Variants in AK9 observed in about 807,000 individuals in gnomAD.
AK9 encodes adenylate kinase 9.
Under a neutral mutation model 239.6 loss-of-function variants are expected in AK9, and 191 were observed. That is an observed-to-expected ratio of 0.80 (90% CI 0.71 to 0.90). AK9 has a LOEUF of 0.90. Ranked by LOEUF, AK9 falls within the 40% of genes least tolerant of loss-of-function variation. The pLI is 0.00. For missense variants in AK9, 1,995 were observed against 2,214.7 expected, an observed-to-expected ratio of 0.90 and a Z score of 1.99; for synonymous variants, 689 against 721.0, an observed-to-expected ratio of 0.96 and a Z score of 0.71.
chr6:109,679,134 G>A (rs1369248683), intron 1 of AK9, among the ~76,000 whole-genome samples: 1 of 152,122 alleles, frequency 6.6e-6, no homozygotes, highest in Non-Finnish European at 1.5e-5. Flanking sequence ...AAAGGGGGCT[G>A]AAGCCAGGGA....
At chr6:109,592,800 T>TC (rs1009570536) in intron 17 of AK9, among the ~76,000 whole-genome samples, 5 of 151,460 alleles carry the variant, frequency 3.3e-5, no homozygotes, top group African/African-American at 4.8e-5. Flanking sequence ...TTAGGATTTT[T>TC]TTCCCTTCAC....
chr6:109,497,364 T>A lies in AK9; in HGVS notation c.5315+101A>T, dbSNP rs3932480. The A allele has an allele frequency of 0.25, 96,648 of 384,668 alleles. 6,902 individuals are homozygous for A. Among genetic ancestry groups the A allele is most frequent in the East Asian group, 0.29 (6,280 of 21,518 alleles). The allele number at this position is 384,668 out of a possible 1,614,324, so 23.8% of individuals were successfully genotyped here. A position where few individuals can be genotyped will look rare whatever the true frequency, so the allele number is the denominator to read the frequency against. On this transcript the variant is annotated intron_variant, in intron 38 of 40. Coordinates refer to ENST00000424296, the MANE Select transcript of AK9 (RefSeq NM_001145128.3). Reference sequence around the variant, plus strand: ...CACACACACACACACACACACACACTCTCTCTCTCTCTCTCTCTCTCACAC... The same window carrying A: ...CACACACACACACACACACACACACACTCTCTCTCTCTCTCTCTCTCACAC...
chr6:109,690,914 G>C (rs933744478), intron 1 of AK9, among the ~76,000 whole-genome samples: 3 of 152,136 alleles, frequency 2.0e-5, no homozygotes, highest in Admixed American at 6.5e-5. Flanking sequence ...ATGGATTAGA[G>C]GTGAGGGGAA....
At chr6:109,609,093 C>T (rs2128237719) in intron 17 of AK9, among the ~76,000 whole-genome samples, 1 of 152,198 alleles carries the variant, frequency 6.6e-6, no homozygotes, top group African/African-American at 2.4e-5. Context: ...AACTACAGTC[C>T]CAGAGCTACA....
intron 1 of AK9, among the ~76,000 whole-genome samples, chr6:109,678,834 T>TCACCC (rs962913510): frequency 2.6e-5 from 4 of 151,994 alleles, no homozygotes; most frequent in African/African-American, 7.2e-5. Context: ...AGGCATCGCC[T>TCACCC]CACCCAGGGA....
At chr6:109,562,697 C>T (rs1785931542) in intron 24 of AK9, among the ~76,000 whole-genome samples, 1 of 152,276 alleles carries the variant, frequency 6.6e-6, no homozygotes, top group African/African-American at 2.4e-5. Flanking sequence ...ATTCCCCATT[C>T]CTAAGGCTAG....
At chr6:109,507,377 T>C (rs899868959) in intron 33 of AK9, among the ~76,000 whole-genome samples, 1 of 151,988 alleles carries the variant, frequency 6.6e-6, no homozygotes, top group Non-Finnish European at 1.5e-5. Flanking sequence ...GCTTGCTTTT[T>C]GTAGTAAATG....
chr6:109,612,822 A>C (rs1448146215), intron 15 of AK9, among the ~76,000 whole-genome samples: 1 of 151,796 alleles, frequency 6.6e-6, no homozygotes, highest in East Asian at 1.9e-4. Flanking sequence ...TAAATGATAG[A>C]TGCACTTTAA....
chr6:109,631,505 G>A lies in AK9; in HGVS notation c.1254+1418C>T, dbSNP rs1315817189. On this transcript the variant is annotated intron_variant, in intron 12 of 40. Coordinates refer to ENST00000424296, the MANE Select transcript of AK9 (RefSeq NM_001145128.3). The stretch of plus-strand genomic sequence containing the variant: ...ATACTATTATACACTCACTAAAATG[G>A]CTAGAATTAGAAAGACCGACCATAG... Among the ~76,000 whole-genome samples the A allele has an allele frequency of 3.9e-5, 6 of 152,184 alleles. No homozygotes were observed. The East Asian group carries it at 1.2e-3, about 29-fold the overall frequency.
Position 109,656,755 on chromosome 6 carries a change from C to A in AK9, c.759+1G>T. On this transcript the variant is annotated splice_donor_variant, in intron 8 of 40. Transcript: ENST00000424296. LOFTEE classifies it high-confidence loss of function. Reference sequence around the variant, plus strand: ...TTTTCAGCAATATATTTTGTTCTTACTTCTAAAGTTTGGAGAATTGTTTCC... The same window carrying A: ...TTTTCAGCAATATATTTTGTTCTTAATTCTAAAGTTTGGAGAATTGTTTCC... 6.3e-7 allele frequency: 1 copy of A among 1,583,518 alleles called. No individual in the cohort carries two copies. Among genetic ancestry groups the A allele is most frequent in the Non-Finnish European group, 8.6e-7 (1 of 1,157,956 alleles).
intron 36 of AK9, among the ~76,000 whole-genome samples, chr6:109,498,567 G>T (rs1371735647): frequency 6.6e-6 from 1 of 152,202 alleles, no homozygotes; most frequent in Non-Finnish European, 1.5e-5. Flanking sequence ...ATTATAATAT[G>T]AGACGAAATC....
intron 10 of AK9, among the ~76,000 whole-genome samples, chr6:109,637,823 G>T (rs991426384): frequency 6.6e-6 from 1 of 152,174 alleles, no homozygotes; most frequent in Non-Finnish European, 1.5e-5. Context: ...TAATTGACCA[G>T]GCTCCTTTGG....
At chr6:109,560,707 T>C (rs541555598) in intron 24 of AK9, among the ~76,000 whole-genome samples, 15 of 152,338 alleles carry the variant, frequency 9.8e-5, no homozygotes, top group Admixed American at 5.2e-4. Context: ...TAATGAGTGA[T>C]GTTAGACTGC....
chr6:109,553,256 C>T (rs9480976), intron 24 of AK9, among the ~76,000 whole-genome samples: 88,541 of 151,972 alleles, frequency 0.58, 27,477 homozygotes, highest in East Asian at 0.84. Flanking sequence ...AATGGTAGTT[C>T]GATGGGAATA....
intron 26 of AK9, among the ~76,000 whole-genome samples, chr6:109,543,116 G>A (rs1226169733): frequency 6.6e-6 from 1 of 152,084 alleles, no homozygotes; most frequent in Non-Finnish European, 1.5e-5. Flanking sequence ...CAAATAGAAA[G>A]CATTGTGATA....
At chr6:109,667,064 T>A (rs753562570) in intron 5 of AK9, among the ~76,000 whole-genome samples, 1 of 152,200 alleles carries the variant, frequency 6.6e-6, no homozygotes, top group Non-Finnish European at 1.5e-5. Flanking sequence ...GAGAAGCTGA[T>A]TTTGGCTAAG....
intron 1 of AK9, among the ~76,000 whole-genome samples, chr6:109,686,628 T>G (rs554728398): frequency 1.3e-5 from 2 of 152,208 alleles, no homozygotes; most frequent in Non-Finnish European, 2.9e-5. Flanking sequence ...TGCTGTGGTA[T>G]GTAAGGATAC....
chr6:109,688,740 G>T (rs74612342), intron 1 of AK9, among the ~76,000 whole-genome samples: 4,202 of 152,216 alleles, frequency 0.028, 96 homozygotes, highest in East Asian at 0.11. Context: ...CCCAGTAAAG[G>T]TTTCATTAAA....
At chr6:109,534,220 CAAA>C (rs370974087) in intron 27 of AK9, among the ~76,000 whole-genome samples, 1 of 109,060 alleles carries the variant, frequency 9.2e-6, no homozygotes, top group African/African-American at 3.5e-5. Flanking sequence ...AACTCCTTCT[CAAA>C]AAAAAAAAAG....
Sources: gnomAD v4.1 joint callset for allele counts (sites outside exome capture counted in the v4.1 genomes callset) on GRCh38, gnomAD v4.1.1 for gene constraint, MANE v1.5 for transcripts, NCBI Gene and HGNC (gene_info 2026-07-23, HGNC 2026-07-21) for gene names.